The following NKAIN3 variants were observed in gnomAD, a reference collection of about 807,000 sequenced individuals.
NKAIN3 encodes the protein sodium/potassium transporting ATPase interacting 3, also known as sodium/potassium-transporting ATPase subunit beta-1-interacting protein 3.
A neutral mutation model predicts 30.2 loss-of-function variants in NKAIN3; 25 were observed. The observed-to-expected ratio is 0.83, with a 90% CI of 0.60 to 1.16. NKAIN3 has a LOEUF of 1.16. Among genes scored for constraint, NKAIN3 ranks in the 50% most tolerant of loss-of-function variants. The pLI is 0.00. For synonymous variants in NKAIN3, 91 were observed against 89.6 expected (o/e 1.02, Z -0.09); for missense variants, 225 against 254.1 (o/e 0.89, Z 0.78).
chr8:62,256,182 G>A (rs191705894), intron 1 of NKAIN3, among the ~76,000 whole-genome samples: 152 of 152,096 alleles, frequency 1.0e-3, no homozygotes, highest in African/African-American at 3.6e-3. Context: ...GGAGACTGAG[G>A]GGGGAGGATC....
At chr8:62,318,762 G>T (rs1467648750) in intron 1 of NKAIN3, among the ~76,000 whole-genome samples, 1 of 152,100 alleles carries the variant, frequency 6.6e-6, no homozygotes, top group African/African-American at 2.4e-5. Context: ...TTTTTGCATC[G>T]ATATTCATCA....
chr8:62,649,913 A>G (rs1169896936), intron 3 of NKAIN3, among the ~76,000 whole-genome samples: 1 of 152,100 alleles, frequency 6.6e-6, no homozygotes, highest in Non-Finnish European at 1.5e-5. Flanking sequence ...CCCCGTGATA[A>G]TAGATTTGCT....
At position 62,298,206 on chromosome 8, in the gene NKAIN3, A is replaced by G. The variant is rs564019349; in HGVS notation, c.54+49079A>G. 3.0e-3 allele frequency among the ~76,000 whole-genome samples: 449 copies of G among 151,772 alleles called. 4 individuals are homozygous for G. The highest frequency in any genetic ancestry group is 0.011 in the African/African-American group (438 of 41,354). ...GGGGAGGGGAAGGGATAGCATTAGG[A>G]GATATATCTAATGCTAAATGACGAG... is the stretch of plus-strand genomic sequence containing the variant. On this transcript the variant is annotated intron_variant, in intron 1 of 6. Transcript: ENST00000623646.
chr8:62,811,129 T>G (rs916155700), intron 4 of NKAIN3, among the ~76,000 whole-genome samples: 6 of 152,160 alleles, frequency 3.9e-5, no homozygotes, highest in Admixed American at 3.9e-4. Flanking sequence ...CTCAAGAATT[T>G]TTTACAAATG....
intron 1 of NKAIN3, among the ~76,000 whole-genome samples, chr8:62,571,593 A>G (rs758490081): frequency 2.6e-5 from 4 of 151,678 alleles, no homozygotes; most frequent in Non-Finnish European, 5.9e-5. Context: ...TTTCCCTTCC[A>G]CACTGCCCTA....
At chr8:62,490,930 C>T (rs1807048620) in intron 1 of NKAIN3, among the ~76,000 whole-genome samples, 1 of 152,120 alleles carries the variant, frequency 6.6e-6, no homozygotes, top group Non-Finnish European at 1.5e-5. Context: ...AGTGCCAGCA[C>T]CAAACAAACA....
At chr8:62,862,747 G>C (rs1343832914) in intron 4 of NKAIN3, among the ~76,000 whole-genome samples, 1 of 152,122 alleles carries the variant, frequency 6.6e-6, no homozygotes, top group Non-Finnish European at 1.5e-5. Flanking sequence ...GAAATGGAAA[G>C]AATGAAGACT....
chr8:62,578,491 AGATCAG>A (rs1810188879), intron 1 of NKAIN3, among the ~76,000 whole-genome samples: 1 of 152,114 alleles, frequency 6.6e-6, no homozygotes, highest in South Asian at 2.1e-4. Flanking sequence ...CTCTAGTTTT[AGATCAG>A]AGTCTTGAGC....
At chr8:62,722,956 A>G (rs963144536) in intron 3 of NKAIN3, among the ~76,000 whole-genome samples, 1 of 152,186 alleles carries the variant, frequency 6.6e-6, no homozygotes, top group African/African-American at 2.4e-5. Flanking sequence ...ATTGGTGGTG[A>G]CAAATAAGAA....
chr8:62,876,686 C>T (rs950859056), intron 4 of NKAIN3, among the ~76,000 whole-genome samples: 4 of 152,082 alleles, frequency 2.6e-5, no homozygotes, highest in African/African-American at 9.7e-5. Context: ...AGCTGGAACC[C>T]ATCAGCCTCA....
intron 1 of NKAIN3, among the ~76,000 whole-genome samples, chr8:62,511,174 C>T (rs1807803626): frequency 6.6e-6 from 1 of 152,174 alleles, no homozygotes. Context: ...ATTCCACACA[C>T]TTTCTTTGGT....
chr8:62,909,019 T>G (rs1170347962), intron 4 of NKAIN3, among the ~76,000 whole-genome samples: 3 of 152,180 alleles, frequency 2.0e-5, no homozygotes, highest in Admixed American at 6.5e-5. Context: ...AGGACCTTTT[T>G]TAATCCCTCT....
chr8:62,985,471 TCTG>T (rs1824183791), downstream of NKAIN3, among the ~76,000 whole-genome samples: 4 of 152,188 alleles, frequency 2.6e-5, no homozygotes, highest in Non-Finnish European at 4.4e-5. Flanking sequence ...CCCAAGGAGA[TCTG>T]CCCACTTTTG....
chr8:62,910,767 T>TC (rs398112529), intron 4 of NKAIN3, among the ~76,000 whole-genome samples: 1 of 147,562 alleles, frequency 6.8e-6, no homozygotes, highest in Non-Finnish European at 1.5e-5. Flanking sequence ...TTTTTTTTTT[T>TC]CAAGGGAAAT....
intron 1 of NKAIN3, among the ~76,000 whole-genome samples, chr8:62,434,106 G>A (rs1031236607): frequency 6.6e-6 from 1 of 152,134 alleles, no homozygotes; most frequent in Non-Finnish European, 1.5e-5. Context: ...ATCCAGGGAA[G>A]GAAGGCACAT....
chr8:62,763,992 G>T (rs769022431), intron 4 of NKAIN3, among the ~76,000 whole-genome samples: 1 of 152,188 alleles, frequency 6.6e-6, no homozygotes, highest in African/African-American at 2.4e-5. Context: ...TCTCTGGTTG[G>T]GGAGGTTATA....
intron 1 of NKAIN3, among the ~76,000 whole-genome samples, chr8:62,265,999 T>A (rs1014823549): frequency 6.6e-6 from 1 of 152,170 alleles, no homozygotes; most frequent in Non-Finnish European, 1.5e-5. Flanking sequence ...TAAATTGAGT[T>A]CTCCTTTGCT....
At chr8:62,734,280 C>T (rs545108690) in intron 3 of NKAIN3, among the ~76,000 whole-genome samples, 1 of 152,272 alleles carries the variant, frequency 6.6e-6, no homozygotes, top group East Asian at 1.9e-4. Flanking sequence ...AAGTTCCTGT[C>T]TCAAACAAAC....
chr8:62,748,348 A>G (rs973776782), intron 4 of NKAIN3, among the ~76,000 whole-genome samples: 9 of 152,060 alleles, frequency 5.9e-5, no homozygotes, highest in East Asian at 5.8e-4. Flanking sequence ...TTTCTGGGAA[A>G]AAAAAAAAAT....
Sources: allele counts gnomAD v4.1 joint callset (sites outside exome capture counted in the v4.1 genomes callset), GRCh38; gene constraint gnomAD v4.1.1; transcripts MANE v1.5; gene names NCBI Gene and HGNC (gene_info 2026-07-23, HGNC 2026-07-21).